PMPCB: variants seen among roughly 807,000 people sequenced by gnomAD.
PMPCB encodes peptidase, mitochondrial processing subunit beta.
PMPCB carries 46 observed loss-of-function variants against 61.5 expected under a neutral mutation model. That is an observed-to-expected ratio of 0.75 (90% CI 0.59 to 0.96). The LOEUF is 0.96. Ranked by LOEUF, PMPCB falls within the 40% of genes least tolerant of loss-of-function variation. The pLI, the probability that PMPCB is intolerant of heterozygous loss-of-function variation, is 0.00. For missense variants in PMPCB, 590 were observed against 602.4 expected, an observed-to-expected ratio of 0.98 and a Z score of 0.22; for synonymous variants, 191 against 201.6, an observed-to-expected ratio of 0.95 and a Z score of 0.44.
At chr7:103,336,352 A>G in the PMPCB span, 2 of 152,198 alleles carry the variant, frequency 1.3e-5, no homozygotes, top group African/African-American at 4.8e-5. Context: ...ATGCTATTCT[A>G]TTTTTTCGGA....
chr7:103,308,482 C>T (rs760777889), intron 7 of PMPCB, among the ~76,000 whole-genome samples: 8 of 151,958 alleles, frequency 5.3e-5, no homozygotes, highest in Non-Finnish European at 8.8e-5. Flanking sequence ...ATTAGCTGGG[C>T]GTGGTGGTGC....
In PMPCB at chr7:103,307,671, T is replaced by C. The variant is rs77153349; in HGVS notation, c.812T>C (p.Ile271Thr). ...GDSLCTHKGE[I>T]PALPPCKFTG... ...TCTTTATGCACACACAAAGGAGAAA[T>C]ACCAGCTCTGCCTCCCTGCAAATTC... Residue 271 changes from isoleucine to threonine, a missense_variant, in exon 7 of 13, where the codon ATA becomes ACA. Ile to Thr is a moderately conservative substitution (Grantham distance 89). Coordinates refer to ENST00000249269, the MANE Select transcript of PMPCB (RefSeq NM_004279.3). 3.5e-5 allele frequency: 57 copies of C among 1,613,020 alleles called. No homozygotes were observed. The East Asian group carries it at 1.3e-3, about 36-fold the overall frequency.
At chr7:103,322,991 G>A (rs964324214) in intron 12 of PMPCB, among the ~76,000 whole-genome samples, 4 of 151,772 alleles carry the variant, frequency 2.6e-5, no homozygotes, top group Non-Finnish European at 5.9e-5. Flanking sequence ...GTGCAATGGC[G>A]TGATTTTGGC....
At position 103,303,998 on chromosome 7, in the gene PMPCB, C is replaced by G; in HGVS notation, c.614C>G (p.Thr205Ser). The G allele has an allele frequency of 6.2e-7, 1 of 1,613,960 alleles. No homozygotes were observed. The highest frequency in any genetic ancestry group is 8.5e-7 in the Non-Finnish European group (1 of 1,179,864). ...CTTCATGCCACAGCTTATCAAAATA[C>G]TGCACTTGGACGGACAATTTTGGGA... Reference protein sequence around the residue: ...DYLHATAYQNTALGRTILGPT... With the variant: ...DYLHATAYQNSALGRTILGPT... The change falls in exon 5 of 13, where the codon ACT (threonine) becomes AGT (serine). Residue 205 changes from threonine to serine, a missense_variant. Transcript: ENST00000249269.
At chr7:103,331,073 C>T (rs1255361592), downstream of PMPCB, among the ~76,000 whole-genome samples, 5 of 151,978 alleles carry the variant, frequency 3.3e-5, no homozygotes, top group African/African-American at 2.4e-5. Context: ...ATTCTCCTGT[C>T]AGCCTCTGGA....
intron 12 of PMPCB, chr7:103,326,516 A>G: frequency 6.2e-7 from 1 of 1,612,586 alleles, no homozygotes; most frequent in Non-Finnish European, 8.5e-7. Flanking sequence ...ACAGGGCACT[A>G]TGATCAAAAG....
At chr7:103,302,759 C>T (rs1422551351) in intron 4 of PMPCB, among the ~76,000 whole-genome samples, 4 of 152,062 alleles carry the variant, frequency 2.6e-5, no homozygotes, top group Non-Finnish European at 4.4e-5. Context: ...AAACCTAAAC[C>T]AGACACGGTA....
downstream of PMPCB, among the ~76,000 whole-genome samples, chr7:103,319,350 T>C (rs1316709900): frequency 6.6e-6 from 1 of 151,542 alleles, no homozygotes; most frequent in East Asian, 2.0e-4. Flanking sequence ...GGCAGGAGAA[T>C]CACTTGAACC....
downstream of PMPCB, among the ~76,000 whole-genome samples, chr7:103,318,738 A>T (rs759794848): frequency 6.6e-6 from 1 of 152,208 alleles, no homozygotes; most frequent in Non-Finnish European, 1.5e-5. Flanking sequence ...CAGAACAAAG[A>T]TCTCTTTTGG....
chr7:103,299,212 G>A (rs966594029), intron 2 of PMPCB, among the ~76,000 whole-genome samples: 1 of 152,118 alleles, frequency 6.6e-6, no homozygotes, highest in Non-Finnish European at 1.5e-5. Flanking sequence ...TAATGAGTTG[G>A]GCAAAGAATC....
chr7:103,335,281 A>G, the PMPCB span: 1 of 152,254 alleles, frequency 6.6e-6, no homozygotes, highest in African/African-American at 2.4e-5. Flanking sequence ...TAATAATTAT[A>G]GATTTGCAAA....
At chr7:103,318,569 A>G (rs1662825361), downstream of PMPCB, among the ~76,000 whole-genome samples, 1 of 152,090 alleles carries the variant, frequency 6.6e-6, no homozygotes, top group African/African-American at 2.4e-5. Context: ...GGTTCTTCTC[A>G]GGTTCTTCTC....
intron 5 of PMPCB, 123 bp from the exon 6 acceptor site, chr7:103,304,288 C>T (rs968644598): frequency 4.3e-6 from 3 of 691,098 alleles, no homozygotes; most frequent in Non-Finnish European, 7.7e-6. Flanking sequence ...TGATGTGTTG[C>T]CTGTATCCTA....
chr7:103,315,664 T>C (rs1818007130), downstream of PMPCB: 4 of 710,304 alleles, frequency 5.6e-6, no homozygotes, highest in Non-Finnish European at 9.3e-6. Context: ...GCTAAACATT[T>C]TATTTCCCTA....
intron 12 of PMPCB, among the ~76,000 whole-genome samples, chr7:103,325,919 CAAA>C (rs1363169402): frequency 1.3e-5 from 2 of 152,018 alleles, no homozygotes; most frequent in Non-Finnish European, 2.9e-5. Flanking sequence ...AAGAGGAAAT[CAAA>C]GAATGGAAAA....
Position 103,313,047 on chromosome 7 carries a change from T to C in PMPCB, c.*776T>C, listed in dbSNP as rs1348868969. The stretch of plus-strand genomic sequence containing the variant: ...ATTTACTGGGTATGTTTTCAAAGCT[T>C]GTTCCAAAAGCTTCTGTTCTTCTGT... On this transcript the variant is annotated 3_prime_UTR_variant, in exon 13 of 13. Transcript: ENST00000249269. 6.2e-7 allele frequency: 1 copy of C among 1,614,092 alleles called. No homozygotes were observed. Among genetic ancestry groups the C allele is most frequent in the Non-Finnish European group, 8.5e-7 (1 of 1,179,956 alleles).
At chr7:103,316,135 CAA>C, downstream of PMPCB, 4 of 1,224,254 alleles carry the variant, frequency 3.3e-6, no homozygotes, top group Non-Finnish European at 4.5e-6. Context: ...TAAGGAAAAA[CAA>C]AATGAAACGA....
chr7:103,319,246 G>GGTC (rs1818245748), downstream of PMPCB, among the ~76,000 whole-genome samples: 1 of 152,180 alleles, frequency 6.6e-6, no homozygotes. Flanking sequence ...AGACCAGCCT[G>GGTC]ACCAACATGG....
intron 8 of PMPCB, among the ~76,000 whole-genome samples, chr7:103,310,013 C>T (rs1317000582): frequency 1.3e-5 from 2 of 152,120 alleles, no homozygotes; most frequent in Non-Finnish European, 2.9e-5. Context: ...GCGTATGTAG[C>T]CAAGAGTCCT....
Sources: gnomAD v4.1 joint callset for allele counts (sites outside exome capture counted in the v4.1 genomes callset) on GRCh38, gnomAD v4.1.1 for gene constraint, MANE v1.5 for transcripts, NCBI Gene and HGNC (gene_info 2026-07-23, HGNC 2026-07-21) for gene names.